Variants in PARN observed in about 807,000 individuals in gnomAD.
PARN encodes poly(A)-specific ribonuclease.
A neutral mutation model predicts 102.8 loss-of-function variants in PARN; 71 were observed. The observed-to-expected ratio is 0.69, with a 90% CI of 0.57 to 0.84. PARN has a LOEUF of 0.84. Among genes scored for constraint, PARN ranks in the 40% least tolerant of loss-of-function variants. PARN has a pLI of 0.00. For missense variants in PARN, 782 were observed against 760.9 expected (o/e 1.03, Z -0.33); for synonymous variants, 261 against 252.9 (o/e 1.03, Z -0.30).
intron 22 of PARN, among the ~76,000 whole-genome samples, chr16:14,463,401 T>G (rs1962106521): frequency 6.6e-6 from 1 of 151,902 alleles, no homozygotes; most frequent in Non-Finnish European, 1.5e-5. Flanking sequence ...AGGAGATAGC[T>G]TAAAAAAGAA....
At chr16:14,613,885 G>A (rs1489922615) in intron 6 of PARN, among the ~76,000 whole-genome samples, 1 of 152,164 alleles carries the variant, frequency 6.6e-6, no homozygotes, top group African/African-American at 2.4e-5. Flanking sequence ...AGCAATGGAA[G>A]TCAACAGATT....
At chr16:14,481,155 T>C (rs1033167696) in intron 22 of PARN, among the ~76,000 whole-genome samples, 1 of 152,122 alleles carries the variant, frequency 6.6e-6, no homozygotes, top group Non-Finnish European at 1.5e-5. Context: ...CTCCTACATA[T>C]GCAGACAAAA....
At chr16:14,608,112 CA>C (rs1297396484) in intron 9 of PARN, 168 bp downstream of exon 9, 2 of 625,458 alleles carry the variant, frequency 3.2e-6, no homozygotes, top group African/African-American at 3.8e-5. Flanking sequence ...AAAACAATAA[CA>C]AAAGAAAATT....
intron 18 of PARN, among the ~76,000 whole-genome samples, chr16:14,570,196 G>A (rs990214737): frequency 6.6e-6 from 1 of 150,774 alleles, no homozygotes; most frequent in Admixed American, 6.6e-5. Flanking sequence ...AAAATTAGCA[G>A]GGTGCAGTGG....
chr16:14,453,139 A>T (rs1342260357), intron 22 of PARN, among the ~76,000 whole-genome samples: 1 of 152,250 alleles, frequency 6.6e-6, no homozygotes, highest in Non-Finnish European at 1.5e-5. Flanking sequence ...CTAGTTTATA[A>T]TGAATAAGAA....
In PARN at chr16:14,464,839, T is replaced by C. The variant is rs151138833; in HGVS notation, c.1671-17758A>G. 8.5e-3 allele frequency among the ~76,000 whole-genome samples: 1,296 copies of C among 152,020 alleles called. 22 individuals are homozygous for C. The highest frequency in any genetic ancestry group is 0.029 in the African/African-American group (1,215 of 41,486). ...ACTTGGGAGGCTGAGGCAGGACCAC[T>C]TGAGCCCAGGAATTGGAGACCAGTC... is the stretch of plus-strand genomic sequence containing the variant. On this transcript the variant is annotated intron_variant, in intron 22 of 23. Transcript: ENST00000437198.
At chr16:14,580,437 GCCA>G (rs1969457671) in intron 18 of PARN, among the ~76,000 whole-genome samples, 1 of 151,976 alleles carries the variant, frequency 6.6e-6, no homozygotes, top group African/African-American at 2.4e-5. Flanking sequence ...ACAGGCACAT[GCCA>G]CCACGCCTGG....
chr16:14,561,079 C>T (rs1179486516), intron 18 of PARN, among the ~76,000 whole-genome samples: 1 of 151,054 alleles, frequency 6.6e-6, no homozygotes, highest in African/African-American at 2.4e-5. Context: ...ATCGCTTGAA[C>T]CCAGGAGGCG....
chr16:14,508,121 T>C (rs1349046536), intron 21 of PARN, among the ~76,000 whole-genome samples: 1 of 152,226 alleles, frequency 6.6e-6, no homozygotes, highest in Non-Finnish European at 1.5e-5. Context: ...TGTTTTATTT[T>C]TATAAATACT....
intron 22 of PARN, among the ~76,000 whole-genome samples, chr16:14,471,196 A>G (rs997971246): frequency 1.4e-4 from 22 of 152,216 alleles, no homozygotes; most frequent in African/African-American, 5.3e-4. Context: ...ACCTTCATCT[A>G]AAAATCAATC....
intron 21 of PARN, among the ~76,000 whole-genome samples, chr16:14,490,224 T>C (rs1963987448): frequency 6.6e-6 from 1 of 152,308 alleles, no homozygotes; most frequent in Non-Finnish European, 1.5e-5. Context: ...ATTTCCTCTG[T>C]TAGCACAGAA....
At chr16:14,616,949 T>C (rs1971940018) in intron 6 of PARN, among the ~76,000 whole-genome samples, 1 of 152,006 alleles carries the variant, frequency 6.6e-6, no homozygotes, top group Admixed American at 6.6e-5. Flanking sequence ...GTTAGGCCAC[T>C]ATATCACGCC....
chr16:14,530,879 A>C (rs1450433801), intron 21 of PARN, among the ~76,000 whole-genome samples: 1 of 152,196 alleles, frequency 6.6e-6, no homozygotes, highest in Admixed American at 6.5e-5. Context: ...CAGAGAAGCC[A>C]AGTCTACTGG....
intron 6 of PARN, among the ~76,000 whole-genome samples, chr16:14,614,607 T>A (rs1971752508): frequency 6.6e-6 from 1 of 152,022 alleles, no homozygotes; most frequent in East Asian, 1.9e-4. Flanking sequence ...TCCCAGCTCT[T>A]TGGGAGGCCA....
intron 11 of PARN, 52 bp from the exon 12 acceptor site, chr16:14,600,012 T>C: frequency 1.9e-6 from 2 of 1,051,312 alleles, no homozygotes; most frequent in South Asian, 1.7e-5. Context: ...ATATTCCTTA[T>C]GTGAATTAAA....
chr16:14,519,314 G>C (rs1965618987), intron 21 of PARN, among the ~76,000 whole-genome samples: 1 of 112,670 alleles, frequency 8.9e-6, no homozygotes, highest in Admixed American at 8.8e-5. Context: ...GGAAGGGAAG[G>C]GGAGGGGAGG....
In PARN at chr16:14,442,197, G is replaced by A. The variant is rs571946251; in HGVS notation, c.1864+4691C>T. Among the ~76,000 whole-genome samples, 12 of 152,194 alleles carry A rather than the reference G, an allele frequency of 7.9e-5. No individual in the cohort carries two copies. In the South Asian group the frequency reaches 2.1e-3, roughly 26 times the overall value. ...CCAGGCAGCATCAGACCATCCATGCGGCCCTGAGATTCTCCAGAGAAGTGA... is the reference window on the plus strand; with the variant it reads ...CCAGGCAGCATCAGACCATCCATGCAGCCCTGAGATTCTCCAGAGAAGTGA... On this transcript the variant is annotated intron_variant, in intron 23 of 23. Coordinates refer to ENST00000437198, the MANE Select transcript of PARN (RefSeq NM_002582.4).
intron 18 of PARN, among the ~76,000 whole-genome samples, chr16:14,560,705 T>C (rs760068795): frequency 1.1e-4 from 16 of 152,208 alleles, no homozygotes; most frequent in Non-Finnish European, 2.2e-4. Flanking sequence ...CCAGGATCTT[T>C]TGCTCAATAC....
rs577317349 is a variant in PARN, at chr16:14,623,608, G to A, written c.327+3498C>T. Among the ~76,000 whole-genome samples the A allele has an allele frequency of 1.1e-3, 162 of 152,044 alleles. 1 individual carries two copies. The highest frequency in any genetic ancestry group is 3.5e-3 in the African/African-American group (146 of 41,470). On this transcript the variant is annotated intron_variant, in intron 5 of 23. Coordinates refer to ENST00000437198, the MANE Select transcript of PARN (RefSeq NM_002582.4). The stretch of plus-strand genomic sequence containing the variant: ...TCCCAGCACACTGGAAGGCCAAGGC[G>A]GGTGGATCACCTGAGGTCAGGAGTT...
Sources: allele counts gnomAD v4.1 joint callset (sites outside exome capture counted in the v4.1 genomes callset), GRCh38; gene constraint gnomAD v4.1.1; transcripts MANE v1.5; gene names NCBI Gene and HGNC (gene_info 2026-07-23, HGNC 2026-07-21).